The following LUC7L2 variants were observed in gnomAD, a reference collection of about 807,000 sequenced individuals.
The protein encoded by LUC7L2 is putative RNA-binding protein Luc7-like 2.
A neutral mutation model predicts 52.8 loss-of-function variants in LUC7L2; 25 were observed. That is an observed-to-expected ratio of 0.47 (90% confidence interval 0.34 to 0.66). The LOEUF (loss-of-function observed/expected upper bound fraction) is 0.66. Ranked by LOEUF, LUC7L2 falls within the 30% of genes least tolerant of loss-of-function variation. LUC7L2 has a pLI of 0.01. For missense variants in LUC7L2, 328 were observed against 497.8 expected, an observed-to-expected ratio of 0.66 and a Z score of 3.25; for synonymous variants, 144 against 160.9, an observed-to-expected ratio of 0.89 and a Z score of 0.80.
chr7:139,376,716 T>C (rs1019372880), intron 2 of LUC7L2, among the ~76,000 whole-genome samples: 19 of 152,208 alleles, frequency 1.2e-4, no homozygotes, highest in African/African-American at 4.6e-4. Flanking sequence ...ATAAACTGCA[T>C]GATGATGGAC....
chr7:139,387,962 C>A (rs1208890092), intron 2 of LUC7L2, among the ~76,000 whole-genome samples: 1 of 152,092 alleles, frequency 6.6e-6, no homozygotes, highest in African/African-American at 2.4e-5. Flanking sequence ...TGTCGTCTCA[C>A]TCCTTTCTTT....
At chr7:139,379,336 A>G (rs1800868207) in intron 2 of LUC7L2, among the ~76,000 whole-genome samples, 1 of 151,562 alleles carries the variant, frequency 6.6e-6, no homozygotes. Flanking sequence ...ACTCTGTCAC[A>G]AAGGAAAAAA....
At chr7:139,409,330 T>C (rs1375727421) in intron 6 of LUC7L2, among the ~76,000 whole-genome samples, 1 of 148,854 alleles carries the variant, frequency 6.7e-6, no homozygotes, top group African/African-American at 2.5e-5. Context: ...AAAAACCAAG[T>C]AGAAATCATG....
chr7:139,341,526 C>CGGG, intron 1 of LUC7L2: 1 of 1,610,272 alleles, frequency 6.2e-7, no homozygotes. Flanking sequence ...ACATCGGGTA[C>CGGG]GGGAGCCATG....
chr7:139,396,600 C>A (rs1180986862), intron 2 of LUC7L2, among the ~76,000 whole-genome samples: 1 of 152,150 alleles, frequency 6.6e-6, no homozygotes, highest in Non-Finnish European at 1.5e-5. Flanking sequence ...TTTCTGTTCC[C>A]TGGCTTTTTT....
rs1361275768 is a variant in LUC7L2 at position 139,383,706 on chromosome 7, G to A, written c.156+7550G>A. Among the ~76,000 whole-genome samples the A allele has an allele frequency of 4.0e-5, 6 of 150,026 alleles. No individual in the cohort carries two copies. The South Asian group carries it at 6.4e-4, about 16-fold the overall frequency. On this transcript the variant is annotated intron_variant, in intron 2 of 9. Coordinates refer to ENST00000354926, the MANE Select transcript of LUC7L2 (RefSeq NM_016019.5). ...GCTGGGATTACAGATGAAAGCCACC[G>A]CGCCCGGCCTTGATGTCTTTTTTTT...
intron 2 of LUC7L2, among the ~76,000 whole-genome samples, chr7:139,384,255 C>T (rs1794090973): frequency 6.6e-6 from 1 of 150,826 alleles, no homozygotes; most frequent in African/African-American, 2.4e-5. Context: ...TGGCATTAAC[C>T]CTGATTATTG....
At chr7:139,345,506 C>G (rs745764168) in intron 1 of LUC7L2, 3 of 1,614,004 alleles carry the variant, frequency 1.9e-6, no homozygotes, top group South Asian at 1.1e-5. Flanking sequence ...TCTAGGTCAC[C>G]AGTGAAAAGT....
chr7:139,381,613 G>A (rs1481236555), intron 2 of LUC7L2, among the ~76,000 whole-genome samples: 1 of 146,832 alleles, frequency 6.8e-6, no homozygotes, highest in African/African-American at 2.5e-5. Context: ...GTCTCGCTCT[G>A]TTGCCCAGGC....
At chr7:139,353,739 G>A (rs1217291869) in intron 1 of LUC7L2, among the ~76,000 whole-genome samples, 3 of 151,938 alleles carry the variant, frequency 2.0e-5, no homozygotes, top group African/African-American at 7.3e-5. Context: ...GTTGCAGTGA[G>A]CCTAGATTGC....
At chr7:139,375,059 A>G (rs1253804161) in intron 1 of LUC7L2, 1 of 983,572 alleles carries the variant, frequency 1.0e-6, no homozygotes, top group Non-Finnish European at 1.2e-6. Context: ...AGGCTAAAAT[A>G]AAACACCTAC....
chr7:139,364,165 A>G (rs1453565539), intron 1 of LUC7L2, among the ~76,000 whole-genome samples: 4 of 151,704 alleles, frequency 2.6e-5, no homozygotes, highest in African/African-American at 9.7e-5. Context: ...TTGTATTTTT[A>G]GTAGAGATGG....
chr7:139,390,841 C>T (rs973478893), intron 2 of LUC7L2, among the ~76,000 whole-genome samples: 2 of 152,162 alleles, frequency 1.3e-5, no homozygotes, highest in African/African-American at 4.8e-5. Flanking sequence ...CAGGTGTGAG[C>T]CACCATGCCG....
intron 3 of LUC7L2, 50 bp from the exon 4 acceptor site, chr7:139,402,087 T>G: frequency 6.6e-7 from 1 of 1,518,814 alleles, no homozygotes; most frequent in African/African-American, 1.4e-5. Flanking sequence ...AAGATATTTC[T>G]GAATAAAATT....
chr7:139,387,758 T>C (rs185176845), intron 2 of LUC7L2, among the ~76,000 whole-genome samples: 191 of 152,280 alleles, frequency 1.3e-3, no homozygotes, highest in Middle Eastern at 3.4e-3. Flanking sequence ...TTTTTTCTTT[T>C]CCTTTTTTTT....
chr7:139,364,304 C>A (rs1800033035), intron 1 of LUC7L2, among the ~76,000 whole-genome samples: 2 of 151,970 alleles, frequency 1.3e-5, no homozygotes, highest in Admixed American at 1.3e-4. Flanking sequence ...GGTTCTGTAT[C>A]TCTTAATTGC....
chr7:139,341,474 C>T, intron 1 of LUC7L2: 1 of 1,613,786 alleles, frequency 6.2e-7, no homozygotes. Flanking sequence ...GACCCTATCG[C>T]GACACCGCGG....
chr7:139,359,266 C>G (rs1799726202), upstream of LUC7L2: 1 of 152,376 alleles, frequency 6.6e-6, no homozygotes, highest in South Asian at 2.1e-4. Flanking sequence ...ACTAAGCCGC[C>G]CGCGACCTTG....
chr7:139,351,824 A>G (rs1403017210), intron 1 of LUC7L2, among the ~76,000 whole-genome samples: 3 of 152,174 alleles, frequency 2.0e-5, no homozygotes, highest in Non-Finnish European at 4.4e-5. Context: ...TTCAGGTTAA[A>G]TTTCACTTTC....
Sources: allele counts gnomAD v4.1 joint callset (sites outside exome capture counted in the v4.1 genomes callset), GRCh38; gene constraint gnomAD v4.1.1; transcripts MANE v1.5; gene names NCBI Gene and HGNC (gene_info 2026-07-23, HGNC 2026-07-21).